The following TENM3 variants were observed in gnomAD, a reference collection of about 807,000 sequenced individuals.
TENM3 encodes the protein teneurin-3.
TENM3 carries 63 observed loss-of-function variants against 255.1 expected under a neutral mutation model. The ratio of observed to expected loss-of-function variants is 0.25; its 90% CI spans 0.20 to 0.30. The LOEUF (loss-of-function observed/expected upper bound fraction) is 0.30. Ranked by LOEUF, TENM3 falls within the 10% of genes least tolerant of loss-of-function variation. The pLI is 1.00. For missense variants in TENM3, 2,929 were observed against 3,461.1 expected, an observed-to-expected ratio of 0.85 and a Z score of 3.86; for synonymous variants, 1,306 against 1,322.3, an observed-to-expected ratio of 0.99 and a Z score of 0.27.
At chr4:181,949,209 C>CTGGGTAA in the TENM3 span, among the ~76,000 whole-genome samples, 1 of 152,168 alleles carries the variant, frequency 6.6e-6, no homozygotes, top group African/African-American at 2.4e-5. Flanking sequence ...ATATGGGTAA[C>CTGGGTAA]CGTTCATGAG....
At chr4:182,176,821 A>ATTTT (rs529637466) in intron 1 of TENM3, among the ~76,000 whole-genome samples, 29 of 113,350 alleles carry the variant, frequency 2.6e-4, no homozygotes, top group Non-Finnish European at 4.8e-4. Flanking sequence ...CATCCGGCTA[A>ATTTT]TTTTTTTTTT....
At chr4:182,703,111 G>T (rs1179596401) in intron 12 of TENM3, among the ~76,000 whole-genome samples, 3 of 152,142 alleles carry the variant, frequency 2.0e-5, no homozygotes, top group African/African-American at 7.2e-5. Context: ...GTGTGTATGT[G>T]TATAGTGGAA....
chr4:182,354,399 G>C (rs1765385958), intron 3 of TENM3, among the ~76,000 whole-genome samples: 1 of 152,144 alleles, frequency 6.6e-6, no homozygotes, highest in South Asian at 2.1e-4. Context: ...GAATTGAATA[G>C]CAGTGAGTGC....
chr4:182,548,676 T>C (rs1293320435), intron 3 of TENM3: 1 of 152,232 alleles, frequency 6.6e-6, no homozygotes, highest in Non-Finnish European at 1.5e-5. Flanking sequence ...CTCAGCCTTT[T>C]GGCTAAGATC....
chr4:182,124,887 A>G, the TENM3 span, among the ~76,000 whole-genome samples: 1 of 152,042 alleles, frequency 6.6e-6, no homozygotes, highest in African/African-American at 2.4e-5. Flanking sequence ...CTCACTGTCC[A>G]GCTGGGACGG....
At chr4:181,554,491 A>C in the TENM3 span, among the ~76,000 whole-genome samples, 2 of 152,206 alleles carry the variant, frequency 1.3e-5, no homozygotes, top group African/African-American at 2.4e-5. Context: ...ACATAAATTG[A>C]GAAGATTCAA....
At chr4:182,781,827 C>G (rs1765193047) in intron 24 of TENM3, among the ~76,000 whole-genome samples, 1 of 150,750 alleles carries the variant, frequency 6.6e-6, no homozygotes, top group Non-Finnish European at 1.5e-5. Context: ...TCTAGATTTT[C>G]TAGTTTATTT....
At chr4:182,092,406 G>A in the TENM3 span, among the ~76,000 whole-genome samples, 1 of 152,190 alleles carries the variant, frequency 6.6e-6, no homozygotes, top group Non-Finnish European at 1.5e-5. Flanking sequence ...CCAGAGCTTT[G>A]GGAGGCCAAG....
chr4:181,936,620 T>C, the TENM3 span, among the ~76,000 whole-genome samples: 1 of 152,042 alleles, frequency 6.6e-6, no homozygotes, highest in African/African-American at 2.4e-5. Flanking sequence ...CCATGAGTAA[T>C]AGTCTTAGAG....
chr4:181,956,323 T>C, the TENM3 span, among the ~76,000 whole-genome samples: 3 of 152,200 alleles, frequency 2.0e-5, no homozygotes, highest in Non-Finnish European at 4.4e-5. Context: ...GTAATTGAAA[T>C]ATAAGAGCAA....
At chr4:181,819,022 A>G in the TENM3 span, among the ~76,000 whole-genome samples, 2 of 151,722 alleles carry the variant, frequency 1.3e-5, no homozygotes. Flanking sequence ...TGTATTTAGA[A>G]CTCCCCTTCA....
chr4:181,490,039 A>AT, the TENM3 span, among the ~76,000 whole-genome samples: 1 of 152,048 alleles, frequency 6.6e-6, no homozygotes, highest in Non-Finnish European at 1.5e-5. Context: ...GTTTTTTGTT[A>AT]TTTTAAATAC....
chr4:181,451,594 A>C, the TENM3 span, among the ~76,000 whole-genome samples: 2 of 152,130 alleles, frequency 1.3e-5, no homozygotes, highest in African/African-American at 4.8e-5. Context: ...GGGTCTGAGG[A>C]GGAACTGGAG....
intron 1 of TENM3, among the ~76,000 whole-genome samples, chr4:182,290,124 G>T (rs909247155): frequency 2.0e-5 from 3 of 152,144 alleles, no homozygotes; most frequent in Non-Finnish European, 2.9e-5. Flanking sequence ...TTCCTGTGTC[G>T]CTGTGGACTA....
At chr4:182,697,477 C>T (rs747815613) in intron 12 of TENM3, among the ~76,000 whole-genome samples, 4 of 152,136 alleles carry the variant, frequency 2.6e-5, no homozygotes, top group Non-Finnish European at 4.4e-5. Flanking sequence ...GCTTGCAGAA[C>T]GAGAACTTCT....
chr4:182,001,404 T>G, the TENM3 span, among the ~76,000 whole-genome samples: 1 of 152,078 alleles, frequency 6.6e-6, no homozygotes, highest in African/African-American at 2.4e-5. Flanking sequence ...GTGGGTGCAT[T>G]TCTCTGGGCT....
chr4:182,112,872 AG>A, the TENM3 span, among the ~76,000 whole-genome samples: 2 of 152,230 alleles, frequency 1.3e-5, no homozygotes, highest in African/African-American at 4.8e-5. Context: ...CTTACTAAAA[AG>A]GTCAATATTA....
chr4:182,541,108 A>G (rs1342014981), intron 3 of TENM3, among the ~76,000 whole-genome samples: 1 of 152,218 alleles, frequency 6.6e-6, no homozygotes, highest in African/African-American at 2.4e-5. Flanking sequence ...AACTTCAAAC[A>G]GTTGGTAAAT....
the TENM3 span, among the ~76,000 whole-genome samples, chr4:181,725,929 G>T: frequency 6.6e-6 from 1 of 152,074 alleles, no homozygotes; most frequent in Non-Finnish European, 1.5e-5. Context: ...TGAATGCCAA[G>T]ACTCAAGACA....
Sources: gnomAD v4.1 joint callset for allele counts (sites outside exome capture counted in the v4.1 genomes callset) on GRCh38, gnomAD v4.1.1 for gene constraint, MANE v1.5 for transcripts, NCBI Gene and HGNC (gene_info 2026-07-23, HGNC 2026-07-21) for gene names.